The following CDH13 variants were observed in gnomAD, a reference collection of about 807,000 sequenced individuals.
CDH13 encodes the protein cadherin-13.
CDH13 carries 24 observed loss-of-function variants against 63.8 expected under a neutral mutation model. That is an observed-to-expected ratio of 0.38 (90% CI 0.27 to 0.53). CDH13 has a LOEUF of 0.53. Among genes scored for constraint, CDH13 ranks in the 20% least tolerant of loss-of-function variants. The pLI is 0.85. For missense variants in CDH13, 1,049 were observed against 903.1 expected, an observed-to-expected ratio of 1.16 and a Z score of -2.07; for synonymous variants, 503 against 355.3, an observed-to-expected ratio of 1.42 and a Z score of -4.67.
chr16:83,762,940 CA>C (rs896558479), intron 11 of CDH13, among the ~76,000 whole-genome samples: 10 of 152,148 alleles, frequency 6.6e-5, no homozygotes, highest in African/African-American at 2.2e-4. Flanking sequence ...AAGACGAAAA[CA>C]AAAGGTGTCC....
chr16:83,609,074 G>C (rs997350086), intron 8 of CDH13, among the ~76,000 whole-genome samples: 13 of 151,986 alleles, frequency 8.6e-5, no homozygotes, highest in Admixed American at 6.6e-5. Flanking sequence ...TGGAAAACTT[G>C]TGCACATTTT....
chr16:82,925,892 C>A (rs926084509), intron 2 of CDH13: 1 of 152,040 alleles, frequency 6.6e-6, no homozygotes, highest in African/African-American at 2.4e-5. Context: ...TTGGAACATT[C>A]TGTCTACAAA....
intron 13 of CDH13, among the ~76,000 whole-genome samples, chr16:83,787,705 G>T (rs1423098603): frequency 6.6e-6 from 1 of 152,208 alleles, no homozygotes; most frequent in Non-Finnish European, 1.5e-5. Flanking sequence ...CACTTTGGGA[G>T]GCCAAGGCAG....
chr16:83,626,948 G>A (rs1045868029), intron 8 of CDH13, among the ~76,000 whole-genome samples: 5 of 151,922 alleles, frequency 3.3e-5, no homozygotes, highest in Non-Finnish European at 2.9e-5. Context: ...CACCTCTCTC[G>A]GCTCTTTCCC....
intron 1 of CDH13, among the ~76,000 whole-genome samples, chr16:82,688,749 GTTGTTA>G (rs1248176973): frequency 2.0e-5 from 3 of 152,134 alleles, no homozygotes; most frequent in Admixed American, 6.5e-5. Context: ...TAAGGAATTT[GTTGTTA>G]TTGTTATTTA....
chr16:83,099,644 C>G (rs1048342667), intron 3 of CDH13, among the ~76,000 whole-genome samples: 1 of 92,468 alleles, frequency 1.1e-5, no homozygotes, highest in African/African-American at 3.5e-5. Context: ...ACTTCTAATC[C>G]TTAACATAAC....
Position 83,113,003 on chromosome 16 carries a change from C to T in CDH13, c.367-12382C>T, listed in dbSNP as rs116556312. On this transcript the variant is annotated intron_variant, in intron 3 of 13. Transcript: ENST00000567109. ...CTAGGAACTGGTGGTGTTTGGATGGCAGAAGTTACAAGGAACGCAAAAGCA... is the reference window on the plus strand; with the variant it reads ...CTAGGAACTGGTGGTGTTTGGATGGTAGAAGTTACAAGGAACGCAAAAGCA... Among the ~76,000 whole-genome samples, 602 of 152,280 alleles carry T rather than the reference C, an allele frequency of 4.0e-3. 3 individuals carry two copies. Among genetic ancestry groups the T allele is most frequent in the African/African-American group, 0.014 (576 of 41,550 alleles).
At chr16:83,195,980 G>A (rs1042939719) in intron 4 of CDH13, among the ~76,000 whole-genome samples, 5 of 152,138 alleles carry the variant, frequency 3.3e-5, no homozygotes, top group African/African-American at 1.2e-4. Context: ...AGTGGTCCAG[G>A]CCCAGTAGCT....
At chr16:83,501,259 T>G (rs1428706651) in intron 7 of CDH13, among the ~76,000 whole-genome samples, 1 of 152,218 alleles carries the variant, frequency 6.6e-6, no homozygotes, top group Non-Finnish European at 1.5e-5. Flanking sequence ...GAAATGACCA[T>G]TGAAATTCAG....
chr16:83,156,933 G>C (rs1383018653), intron 4 of CDH13, among the ~76,000 whole-genome samples: 1 of 152,124 alleles, frequency 6.6e-6, no homozygotes, highest in African/African-American at 2.4e-5. Flanking sequence ...TTTTCCCACA[G>C]TGCTCTTCAA....
intron 1 of CDH13, among the ~76,000 whole-genome samples, chr16:82,750,067 A>T (rs1185094730): frequency 2.0e-5 from 3 of 152,054 alleles, no homozygotes; most frequent in African/African-American, 4.8e-5. Flanking sequence ...GAGGAGTTGC[A>T]CCAAAAAGAG....
At chr16:82,988,259 A>T (rs1206857056) in intron 2 of CDH13, among the ~76,000 whole-genome samples, 6 of 152,226 alleles carry the variant, frequency 3.9e-5, no homozygotes, top group Non-Finnish European at 8.8e-5. Context: ...AATATAAAGA[A>T]ATGCCTTTAG....
intron 11 of CDH13, among the ~76,000 whole-genome samples, chr16:83,771,785 G>C (rs1377239662): frequency 6.6e-6 from 1 of 152,162 alleles, no homozygotes; most frequent in African/African-American, 2.4e-5. Flanking sequence ...ATTTTAAATA[G>C]GCTTTGTTTC....
At chr16:82,979,941 T>G (rs1910039527) in intron 2 of CDH13, among the ~76,000 whole-genome samples, 1 of 152,198 alleles carries the variant, frequency 6.6e-6, no homozygotes, top group South Asian at 2.1e-4. Context: ...GGGTCATGTT[T>G]AAGTAAGATT....
intron 10 of CDH13, among the ~76,000 whole-genome samples, chr16:83,696,015 G>A (rs1220571305): frequency 1.3e-5 from 2 of 151,714 alleles, no homozygotes; most frequent in African/African-American, 2.4e-5. Context: ...TCAGCCTCCT[G>A]AATAGCTGGG....
intron 1 of CDH13, among the ~76,000 whole-genome samples, chr16:82,853,665 T>A (rs1187252533): frequency 6.6e-6 from 1 of 152,220 alleles, no homozygotes; most frequent in Non-Finnish European, 1.5e-5. Flanking sequence ...AGCAGGCTGA[T>A]GGTAATTTTT....
At chr16:83,076,247 A>G (rs1330401259) in intron 3 of CDH13, among the ~76,000 whole-genome samples, 1 of 152,246 alleles carries the variant, frequency 6.6e-6, no homozygotes, top group Non-Finnish European at 1.5e-5. Context: ...AAAGAAAATG[A>G]TAGAGCCAAA....
chr16:83,279,515 A>C (rs557148545), intron 5 of CDH13, among the ~76,000 whole-genome samples: 1 of 152,342 alleles, frequency 6.6e-6, no homozygotes, highest in South Asian at 2.1e-4. Flanking sequence ...GCATTCTGGA[A>C]ACCGCTGCTA....
intron 7 of CDH13, among the ~76,000 whole-genome samples, chr16:83,529,985 G>T (rs1231992500): frequency 6.6e-6 from 1 of 152,168 alleles, no homozygotes; most frequent in African/African-American, 2.4e-5. Context: ...GGTCGGGTAA[G>T]AATCTAGTGA....
Sources: allele counts gnomAD v4.1 joint callset (sites outside exome capture counted in the v4.1 genomes callset), GRCh38; gene constraint gnomAD v4.1.1; transcripts MANE v1.5; gene names NCBI Gene and HGNC (gene_info 2026-07-23, HGNC 2026-07-21).